The following DPP10 variants were observed in gnomAD, a reference collection of about 807,000 sequenced individuals.
The protein encoded by DPP10 is inactive dipeptidyl peptidase 10.
Under a neutral mutation model 120.9 loss-of-function variants are expected in DPP10, and 33 were observed. That is an observed-to-expected ratio of 0.27 (90% CI 0.21 to 0.37). DPP10 has a LOEUF of 0.37. Among genes scored for constraint, DPP10 ranks in the 10% least tolerant of loss-of-function variants. DPP10 has a pLI of 1.00. For synonymous variants in DPP10, 337 were observed against 326.1 expected, an observed-to-expected ratio of 1.03 and a Z score of -0.36; for missense variants, 816 against 942.8, an observed-to-expected ratio of 0.87 and a Z score of 1.76.
At chr2:115,458,972 C>G (rs986328857) in intron 3 of DPP10, among the ~76,000 whole-genome samples, 3 of 152,110 alleles carry the variant, frequency 2.0e-5, no homozygotes, top group Non-Finnish European at 2.9e-5. Flanking sequence ...TTGCCATATT[C>G]TAACAGCAAA....
rs77946294 is a variant in DPP10, at chr2:115,649,508, C to G, written c.442-40179C>G. 6.5e-3 allele frequency among the ~76,000 whole-genome samples: 994 copies of G among 151,940 alleles called. 9 individuals carry two copies. Among genetic ancestry groups the G allele is most frequent in the African/African-American group, 0.023 (938 of 41,450 alleles). ...TTTGTACATAATTATTTTTAGGAAC[C>G]CATTGATCAATGTCCTAGTAATATT... On this transcript the variant is annotated intron_variant, in intron 5 of 25. Coordinates refer to ENST00000410059, the MANE Select transcript of DPP10 (RefSeq NM_020868.6).
At chr2:114,660,356 G>A (rs1697307579) in intron 1 of DPP10, among the ~76,000 whole-genome samples, 1 of 152,264 alleles carries the variant, frequency 6.6e-6, no homozygotes, top group East Asian at 1.9e-4. Context: ...AGCTTCTGCA[G>A]AGAGAGATTT....
At chr2:114,629,450 G>A (rs1294380355) in intron 1 of DPP10, among the ~76,000 whole-genome samples, 2 of 152,306 alleles carry the variant, frequency 1.3e-5, no homozygotes, top group East Asian at 1.9e-4. Context: ...ACAAAGAGCT[G>A]TTATTAACAA....
chr2:115,377,376 T>C (rs1256522708), intron 3 of DPP10, among the ~76,000 whole-genome samples: 1 of 152,216 alleles, frequency 6.6e-6, no homozygotes, highest in Non-Finnish European at 1.5e-5. Context: ...GTTCATGTCC[T>C]TCACCCACTT....
intron 3 of DPP10, among the ~76,000 whole-genome samples, chr2:115,423,130 G>T (rs1035555185): frequency 1.3e-5 from 2 of 151,822 alleles, no homozygotes; most frequent in African/African-American, 4.8e-5. Context: ...TAATGTAAAA[G>T]AAGTATACTT....
At chr2:115,189,779 G>A (rs1288720071) in intron 1 of DPP10, among the ~76,000 whole-genome samples, 24 of 152,148 alleles carry the variant, frequency 1.6e-4, no homozygotes, top group Non-Finnish European at 7.3e-5. Flanking sequence ...ACAGATGCAT[G>A]CTATGACACA....
At chr2:115,840,622 C>A in intron 24 of DPP10, 128 bp from the exon 25 acceptor site, 1 of 945,506 alleles carries the variant, frequency 1.1e-6, no homozygotes, top group South Asian at 1.7e-5. Flanking sequence ...CCGTGCCCAG[C>A]CAGATATAAG....
intron 2 of DPP10, among the ~76,000 whole-genome samples, chr2:115,326,604 C>A (rs1462971564): frequency 6.6e-6 from 1 of 151,914 alleles, no homozygotes; most frequent in Non-Finnish European, 1.5e-5. Context: ...ACCTTATTTA[C>A]CCTGAAGACC....
chr2:115,257,821 C>T (rs1198578882), intron 1 of DPP10, among the ~76,000 whole-genome samples: 1 of 152,090 alleles, frequency 6.6e-6, no homozygotes, highest in African/African-American at 2.4e-5. Context: ...CCTATTTTGT[C>T]TTCTCGTTTA....
intron 5 of DPP10, among the ~76,000 whole-genome samples, chr2:115,610,869 A>T (rs1046809964): frequency 6.6e-6 from 1 of 152,172 alleles, no homozygotes; most frequent in African/African-American, 2.4e-5. Flanking sequence ...AGTAAACAAT[A>T]GTGTCCTAAA....
At chr2:114,524,960 G>T (rs1685373932) in intron 1 of DPP10, among the ~76,000 whole-genome samples, 1 of 152,124 alleles carries the variant, frequency 6.6e-6, no homozygotes, top group Non-Finnish European at 1.5e-5. Flanking sequence ...TCCAATCATT[G>T]GTCATTGTCT....
chr2:115,536,108 A>G (rs1034761249), intron 5 of DPP10, among the ~76,000 whole-genome samples: 3 of 152,012 alleles, frequency 2.0e-5, no homozygotes, highest in African/African-American at 7.2e-5. Flanking sequence ...GAGAATCTGA[A>G]AATACACACA....
intron 1 of DPP10, among the ~76,000 whole-genome samples, chr2:114,688,704 CGCATGTGA>C (rs1699533775): frequency 6.6e-6 from 1 of 150,896 alleles, no homozygotes; most frequent in African/African-American, 2.4e-5. Flanking sequence ...CTGACAAGTG[CGCATGTGA>C]GGACAAACCA....
chr2:115,085,797 C>T (rs767538896), intron 1 of DPP10, among the ~76,000 whole-genome samples: 21 of 152,048 alleles, frequency 1.4e-4, no homozygotes, highest in Admixed American at 7.2e-4. Flanking sequence ...TATTACCTTC[C>T]ACTAAATAAA....
In DPP10 at chr2:114,641,507, A is replaced by G. The variant is rs867997384; in HGVS notation, c.60+198669A>G. 2.0e-4 allele frequency among the ~76,000 whole-genome samples: 31 copies of G among 152,006 alleles called. 1 individual carries two copies. Among genetic ancestry groups the G allele is most frequent in the African/African-American group, 7.0e-4 (29 of 41,246 alleles). ...ACCTCTGGATGCTGCCAAAGTGAGCACTGCCTTTACGTATGATAGAAAATA... is the reference window on the plus strand; with the variant it reads ...ACCTCTGGATGCTGCCAAAGTGAGCGCTGCCTTTACGTATGATAGAAAATA... On this transcript the variant is annotated intron_variant, in intron 1 of 25. Transcript: ENST00000410059.
chr2:114,567,203 T>C (rs1433378654), intron 1 of DPP10, among the ~76,000 whole-genome samples: 1 of 152,236 alleles, frequency 6.6e-6, no homozygotes, highest in Non-Finnish European at 1.5e-5. Context: ...TACAATTTTT[T>C]TGGCTTATCT....
At chr2:115,399,428 TATCTA>T (rs2067906323) in intron 3 of DPP10, among the ~76,000 whole-genome samples, 1 of 152,168 alleles carries the variant, frequency 6.6e-6, no homozygotes, top group African/African-American at 2.4e-5. Flanking sequence ...ATTTATTATT[TATCTA>T]AACTATTTGA....
chr2:115,516,874 C>A (rs1173889597), intron 4 of DPP10, among the ~76,000 whole-genome samples: 2 of 151,930 alleles, frequency 1.3e-5, no homozygotes, highest in Admixed American at 6.6e-5. Flanking sequence ...AATTTAAAAG[C>A]TGCTTAACAT....
At position 115,105,422 on chromosome 2, in the gene DPP10, T is replaced by TGAGAGAGAGA. The variant is rs10565038; in HGVS notation, c.61-203791_61-203782dup. 5.6e-3 allele frequency among the ~76,000 whole-genome samples: 826 copies of TGAGAGAGAGA among 146,222 alleles called. 2 individuals carry two copies. Among genetic ancestry groups the TGAGAGAGAGA allele is most frequent in the African/African-American group, 7.1e-3 (284 of 39,752 alleles). Reference sequence around the variant, plus strand: ...AAAGGGGAGCAGATGTGTCACATGGTGAGAGAGAGAGAGAGAGAGAGAGAG... The same window carrying TGAGAGAGAGA: ...AAAGGGGAGCAGATGTGTCACATGGTGAGAGAGAGAGAGAGAGAGAGAGAGAGAGAGAGAG... On this transcript the variant is annotated intron_variant, in intron 1 of 25. Coordinates refer to ENST00000410059, the MANE Select transcript of DPP10 (RefSeq NM_020868.6).
Sources: allele counts gnomAD v4.1 joint callset (sites outside exome capture counted in the v4.1 genomes callset), GRCh38; gene constraint gnomAD v4.1.1; transcripts MANE v1.5; gene names NCBI Gene and HGNC (gene_info 2026-07-23, HGNC 2026-07-21).